HECW1: variants seen among roughly 807,000 people sequenced by gnomAD.
HECW1 encodes the protein HECT, C2 and WW domain containing E3 ubiquitin protein ligase 1, also known as E3 ubiquitin-protein ligase HECW1.
Under a neutral mutation model 182.3 loss-of-function variants are expected in HECW1, and 61 were observed. The ratio of observed to expected loss-of-function variants is 0.33; its 90% CI spans 0.27 to 0.41. The LOEUF (loss-of-function observed/expected upper bound fraction) is 0.41, where lower values mean the gene tolerates loss of function less well. HECW1 is among the 10% of genes least tolerant of loss of function. The pLI is 1.00. For synonymous variants in HECW1, 859 were observed against 832.6 expected (o/e 1.03, Z -0.55); for missense variants, 1,739 against 2,108.9 (o/e 0.82, Z 3.44).
chr7:43,252,712 A>G (rs1300337788), intron 3 of HECW1, among the ~76,000 whole-genome samples: 1 of 152,222 alleles, frequency 6.6e-6, no homozygotes, highest in Non-Finnish European at 1.5e-5. Context: ...CTCTCCATCT[A>G]TAGGTAAATA....
chr7:43,365,938 T>A (rs945157894), intron 6 of HECW1, among the ~76,000 whole-genome samples: 1 of 151,724 alleles, frequency 6.6e-6, no homozygotes, highest in Admixed American at 6.6e-5. Flanking sequence ...TATAAAAAAA[T>A]AAAAAATAAA....
At chr7:43,462,604 G>A (rs532858364) in intron 13 of HECW1, among the ~76,000 whole-genome samples, 47 of 152,250 alleles carry the variant, frequency 3.1e-4, no homozygotes, top group Admixed American at 2.8e-3. Context: ...TAAGTCCTGC[G>A]GGTGATTCTG....
At chr7:43,491,662 G>A (rs139065292) in intron 17 of HECW1, among the ~76,000 whole-genome samples, 5 of 151,876 alleles carry the variant, frequency 3.3e-5, no homozygotes, top group East Asian at 1.9e-4. Flanking sequence ...GAGTGATTTC[G>A]GCTCACAGCA....
chr7:43,371,190 G>C (rs553644287), intron 6 of HECW1, among the ~76,000 whole-genome samples: 1 of 152,176 alleles, frequency 6.6e-6, no homozygotes, highest in East Asian at 1.9e-4. Flanking sequence ...CCTGGCCAAT[G>C]AAATTCTTTA....
intron 24 of HECW1, among the ~76,000 whole-genome samples, chr7:43,525,186 C>T (rs540449003): frequency 3.0e-4 from 46 of 152,140 alleles, no homozygotes; most frequent in Non-Finnish European, 5.3e-4. Flanking sequence ...AATAATCGGT[C>T]GGAATATGTG....
intron 2 of HECW1, among the ~76,000 whole-genome samples, chr7:43,173,024 CAG>C (rs1280378685): frequency 6.6e-6 from 1 of 152,224 alleles, no homozygotes; most frequent in Non-Finnish European, 1.5e-5. Context: ...ACCACATTGA[CAG>C]AAGCCTCCGC....
At chr7:43,374,541 G>A (rs1056692787) in intron 6 of HECW1, among the ~76,000 whole-genome samples, 4 of 51,828 alleles carry the variant, frequency 7.7e-5, no homozygotes, top group Non-Finnish European at 1.3e-4. Context: ...TTGGGAGGCC[G>A]AGGCGGGCGG....
intron 17 of HECW1, among the ~76,000 whole-genome samples, chr7:43,487,572 T>C (rs374350080): frequency 6.6e-6 from 1 of 152,150 alleles, no homozygotes; most frequent in East Asian, 1.9e-4. Flanking sequence ...AGAAACTTAA[T>C]AAGACCAAAG....
At chr7:43,204,274 AG>A (rs1317675807) in intron 2 of HECW1, among the ~76,000 whole-genome samples, 2 of 152,230 alleles carry the variant, frequency 1.3e-5, no homozygotes, top group Non-Finnish European at 2.9e-5. Flanking sequence ...ACTCATGTAA[AG>A]TTTGTTGAAT....
chr7:43,472,477 A>C (rs1309777917), intron 16 of HECW1, among the ~76,000 whole-genome samples: 1 of 152,146 alleles, frequency 6.6e-6, no homozygotes. Context: ...AATCGTGCCT[A>C]GTATATAGTT....
At position 43,444,137 on chromosome 7, in the gene HECW1, G is replaced by A; in HGVS notation, c.1046-81G>A. On this transcript the variant is annotated intron_variant, in intron 10 of 29. Transcript: ENST00000395891. The surrounding 1 kb of genome is among the most constrained non-coding windows in gnomAD (Gnocchi z 4.3). ...CCTAATGTAGAAATCCCTTAGTGAT[G>A]GCTTACATGTCCCACAGGGTATCCT... is the stretch of plus-strand genomic sequence containing the variant. 1 of 1,371,596 alleles carries A rather than the reference G, an allele frequency of 7.3e-7. No individual in the cohort carries two copies. Among genetic ancestry groups the A allele is most frequent in the Non-Finnish European group, 1.0e-6 (1 of 1,003,472 alleles). 85.0% of individuals were successfully genotyped at this position (1,371,596 alleles called of 1,614,324 possible).
intron 6 of HECW1, among the ~76,000 whole-genome samples, chr7:43,374,008 G>A (rs1387373230): frequency 6.6e-6 from 1 of 152,186 alleles, no homozygotes; most frequent in African/African-American, 2.4e-5. Flanking sequence ...TCCCTAGTAT[G>A]TATATGCTCT....
In HECW1 at chr7:43,563,982, T is replaced by C. The variant is rs534994543; in HGVS notation, c.*2056T>C. 6.9e-5 allele frequency: 13 copies of C among 188,378 alleles called. No homozygotes were observed. The highest frequency in any genetic ancestry group is 1.2e-4 in the Admixed American group (2 of 16,212). The allele number at this position is 188,378 out of a possible 1,614,324, so 11.7% of individuals were successfully genotyped here. A position where few individuals can be genotyped will look rare whatever the true frequency, so the allele number is the denominator to read the frequency against. On this transcript the variant is annotated 3_prime_UTR_variant, in exon 30 of 30. Coordinates refer to ENST00000395891, the MANE Select transcript of HECW1 (RefSeq NM_015052.5). ...ATCAAGGAGTATACATTATAGAAATTTAGACTTTTATTGTCTAAAAAGAAT... is the reference window on the plus strand; with the variant it reads ...ATCAAGGAGTATACATTATAGAAATCTAGACTTTTATTGTCTAAAAAGAAT...
chr7:43,386,293 A>C (rs543299256), intron 6 of HECW1, among the ~76,000 whole-genome samples: 1 of 152,344 alleles, frequency 6.6e-6, no homozygotes, highest in South Asian at 2.1e-4. Flanking sequence ...CCCTGAGCAC[A>C]TACACCACAG....
chr7:43,287,807 C>G (rs1031920919), intron 3 of HECW1, among the ~76,000 whole-genome samples: 1 of 152,176 alleles, frequency 6.6e-6, no homozygotes, highest in Admixed American at 6.5e-5. Context: ...TTGAAGCCAG[C>G]ATTGTCTGGA....
Position 43,456,428 on chromosome 7 carries a change from A to G in HECW1, c.2632A>G (p.Met878Val). Reference protein sequence around the residue: ...GMRRSGSIQQMEQLNRRYQNI... With the variant: ...GMRRSGSIQQVEQLNRRYQNI... The stretch of plus-strand genomic sequence containing the variant: ...GCGGAGATCGGGGTCCATCCAGCAG[A>G]TGGAGCAACTCAACAGGCGGTTGGT... The change falls in exon 13 of 30, where the codon ATG becomes GTG. Residue 878 changes from methionine (M) to valine (V), a missense_variant. By Grantham distance (21) the Met-to-Val change is conservative. This residue lies in a region of HECW1 where 971 missense variants were observed against 1,029.1 expected (regional missense o/e 0.94). Coordinates refer to ENST00000395891, the MANE Select transcript of HECW1 (RefSeq NM_015052.5). 3.1e-6 allele frequency: 5 copies of G among 1,613,968 alleles called. No individual in the cohort carries two copies. Among genetic ancestry groups the G allele is most frequent in the Non-Finnish European group, 3.4e-6 (4 of 1,179,920 alleles).
At chr7:43,355,430 C>T (rs938771670) in intron 5 of HECW1, among the ~76,000 whole-genome samples, 1 of 151,890 alleles carries the variant, frequency 6.6e-6, no homozygotes, top group African/African-American at 2.4e-5. Context: ...AATGTAAAAT[C>T]CAAATGTTGG....
At chr7:43,487,964 AAG>A (rs142459103) in intron 17 of HECW1, among the ~76,000 whole-genome samples, 21 of 147,240 alleles carry the variant, frequency 1.4e-4, no homozygotes, top group South Asian at 2.2e-4. Flanking sequence ...AAAAAAAAGG[AAG>A]AGAGAGAGAG....
At chr7:43,419,046 G>T (rs59547891) in intron 8 of HECW1, among the ~76,000 whole-genome samples, 19 of 152,156 alleles carry the variant, frequency 1.2e-4, no homozygotes, top group African/African-American at 3.9e-4. Flanking sequence ...TGCCCTGTGC[G>T]TGTATGATTC....
Sources: allele counts gnomAD v4.1 joint callset (sites outside exome capture counted in the v4.1 genomes callset), GRCh38; gene constraint gnomAD v4.1.1; regional missense constraint gnomAD v4.1.1; non-coding constraint Gnocchi (gnomAD v3.1); transcripts MANE v1.5; gene names NCBI Gene and HGNC (gene_info 2026-07-23, HGNC 2026-07-21).